The following RBFOX1 variants were observed in gnomAD, a reference collection of about 807,000 sequenced individuals.
RBFOX1 encodes the protein RNA binding fox-1 homolog 1.
In RBFOX1, 8 loss-of-function variants were observed where a neutral mutation model predicts 57.7. The ratio of observed to expected loss-of-function variants is 0.14; its 90% confidence interval spans 0.08 to 0.25. The LOEUF (loss-of-function observed/expected upper bound fraction) is 0.25, where lower values mean the gene tolerates loss of function less well. Ranked by LOEUF, RBFOX1 falls within the 10% of genes least tolerant of loss-of-function variation. RBFOX1 has a pLI of 1.00. For synonymous variants in RBFOX1, 326 were observed against 222.4 expected, an observed-to-expected ratio of 1.47 and a Z score of -4.15; for missense variants, 611 against 548.5, an observed-to-expected ratio of 1.11 and a Z score of -1.14.
At chr16:6,250,241 G>C (rs187281266) in intron 1 of RBFOX1, among the ~76,000 whole-genome samples, 13 of 152,120 alleles carry the variant, frequency 8.5e-5, no homozygotes, top group African/African-American at 3.1e-4. Flanking sequence ...TCTGTTTCTA[G>C]TCCTGTGTCA....
At chr16:6,016,290 G>C (rs1005073570), upstream of RBFOX1, among the ~76,000 whole-genome samples, 2 of 152,220 alleles carry the variant, frequency 1.3e-5, no homozygotes, top group Non-Finnish European at 2.9e-5. Flanking sequence ...TGAGGGATTG[G>C]CAGGGAGAAA....
chr16:7,120,336 T>C (rs566580107), intron 4 of RBFOX1, among the ~76,000 whole-genome samples: 1 of 126,734 alleles, frequency 7.9e-6, no homozygotes, highest in African/African-American at 3.6e-5. Context: ...GAATAGTAAA[T>C]GTAAGATTAA....
chr16:5,968,284 C>A (rs1003676356), intron 4 of RBFOX1, among the ~76,000 whole-genome samples: 9 of 151,962 alleles, frequency 5.9e-5, no homozygotes, highest in South Asian at 2.1e-4. Flanking sequence ...CATGTTGGCC[C>A]GGCTGGTCTC....
At chr16:7,252,680 T>G (rs560417084) in intron 4 of RBFOX1, among the ~76,000 whole-genome samples, 1 of 152,194 alleles carries the variant, frequency 6.6e-6, no homozygotes, top group African/African-American at 2.4e-5. Flanking sequence ...AGACGTAACC[T>G]TTTTCATTTA....
chr16:7,176,099 C>T (rs1194646007), intron 4 of RBFOX1, among the ~76,000 whole-genome samples: 5 of 151,766 alleles, frequency 3.3e-5, no homozygotes, highest in South Asian at 4.2e-4. Context: ...TGGTTAGGAG[C>T]ATGTACTTTT....
chr16:7,500,318 A>G (rs1387956938), intron 4 of RBFOX1, among the ~76,000 whole-genome samples: 4 of 152,218 alleles, frequency 2.6e-5, no homozygotes, highest in Admixed American at 2.6e-4. Flanking sequence ...ACAAAGTAGT[A>G]GGAACTTCAA....
At chr16:6,282,420 G>A (rs1294884878) in intron 1 of RBFOX1, among the ~76,000 whole-genome samples, 1 of 145,906 alleles carries the variant, frequency 6.9e-6, no homozygotes, top group Non-Finnish European at 1.5e-5. Context: ...GAGAGAGTGT[G>A]CAAGTTTGTT....
At chr16:6,460,842 G>T (rs959354687) in intron 2 of RBFOX1, among the ~76,000 whole-genome samples, 3 of 103,478 alleles carry the variant, frequency 2.9e-5, no homozygotes, top group Admixed American at 2.0e-4. Context: ...AAAAAAAAAA[G>T]TGGAATCAAC....
chr16:6,649,630 C>T (rs546055956), intron 2 of RBFOX1, among the ~76,000 whole-genome samples: 8 of 152,264 alleles, frequency 5.3e-5, no homozygotes, highest in South Asian at 4.1e-4. Flanking sequence ...GTTTTCCATT[C>T]GTGACTTGTT....
At chr16:6,192,412 T>C (rs547028612) in intron 1 of RBFOX1, among the ~76,000 whole-genome samples, 2 of 152,220 alleles carry the variant, frequency 1.3e-5, no homozygotes, top group Admixed American at 6.5e-5. Context: ...TTGTCTCTTC[T>C]TACTGTCTTT....
chr16:6,408,853 T>G (rs1467657912), intron 2 of RBFOX1, among the ~76,000 whole-genome samples: 1 of 152,216 alleles, frequency 6.6e-6, no homozygotes, highest in Non-Finnish European at 1.5e-5. Context: ...TGCTATTTTC[T>G]GTGATCACAA....
Position 6,674,317 on chromosome 16 carries a change from A to AT in RBFOX1, c.-16+19676dup, listed in dbSNP as rs555608627. On this transcript the variant is annotated intron_variant, in intron 3 of 15. Transcript: ENST00000550418. The stretch of plus-strand genomic sequence containing the variant: ...ACCAATGACTGGGTTCTTTATTTTT[A>AT]TTTTTTTTTCTTTTCTTTTTTTGAG... 8.2e-3 allele frequency among the ~76,000 whole-genome samples: 1,239 copies of AT among 150,524 alleles called. 9 individuals carry two copies. Among genetic ancestry groups the AT allele is most frequent in the Non-Finnish European group, 0.011 (714 of 67,564 alleles).
rs550500629 is a variant in RBFOX1, at chr16:6,748,140, T to C, written c.-16+93490T>C. On this transcript the variant is annotated intron_variant, in intron 3 of 15. Transcript: ENST00000550418. ...AGGATCATTTTTTTTCCTAGCGTTA[T>C]TTATGGCATGATTTACTAGCATCTC... is the stretch of plus-strand genomic sequence containing the variant. 2.0e-5 allele frequency among the ~76,000 whole-genome samples: 3 copies of C among 152,302 alleles called. No homozygotes were observed. In the South Asian group the frequency reaches 6.2e-4, roughly 32 times the overall value.
chr16:5,665,042 C>G (rs1418706397), intron 3 of RBFOX1, among the ~76,000 whole-genome samples: 1 of 150,922 alleles, frequency 6.6e-6, no homozygotes, highest in Non-Finnish European at 1.5e-5. Flanking sequence ...ACCTCCCATG[C>G]TCAAATGATT....
chr16:5,964,930 G>T (rs148125477), intron 4 of RBFOX1, among the ~76,000 whole-genome samples: 2 of 152,016 alleles, frequency 1.3e-5, no homozygotes, highest in Admixed American at 6.6e-5. Context: ...GTTTGCATGC[G>T]TATACACAAT....
chr16:5,993,023 G>C (rs531388925), intron 4 of RBFOX1, among the ~76,000 whole-genome samples: 48 of 152,268 alleles, frequency 3.2e-4, no homozygotes, highest in Non-Finnish European at 2.4e-4. Context: ...CCAGGCTGGG[G>C]GACCCTGGGC....
At chr16:6,609,879 G>T (rs994616858) in intron 2 of RBFOX1, among the ~76,000 whole-genome samples, 1 of 151,922 alleles carries the variant, frequency 6.6e-6, no homozygotes, top group African/African-American at 2.4e-5. Flanking sequence ...GTGGTGGTGC[G>T]CACCTGTAGT....
At chr16:6,788,955 C>G (rs12709156) in intron 3 of RBFOX1, among the ~76,000 whole-genome samples, 56,757 of 152,016 alleles carry the variant, frequency 0.37, 11,254 homozygotes, top group Non-Finnish European at 0.45. Flanking sequence ...ATTCTCTATT[C>G]TTTCCGCCGC....
chr16:6,478,421 ATATATATATTTTTTTTTT>A (rs1220237470), intron 2 of RBFOX1, among the ~76,000 whole-genome samples: 24 of 12,446 alleles, frequency 1.9e-3, no homozygotes, highest in African/African-American at 4.1e-3. Context: ...ATATATATAT[ATATATATATTTTTTTTTT>A]TTTTTTTTGT....
Sources: allele counts gnomAD v4.1 joint callset (sites outside exome capture counted in the v4.1 genomes callset), GRCh38; gene constraint gnomAD v4.1.1; transcripts MANE v1.5; gene names NCBI Gene and HGNC (gene_info 2026-07-23, HGNC 2026-07-21).